The following FEZ1 variants were observed in gnomAD, a reference collection of about 807,000 sequenced individuals.
The protein encoded by FEZ1 is fasciculation and elongation protein zeta-1.
Under a neutral mutation model 49.3 loss-of-function variants are expected in FEZ1, and 20 were observed. That is an observed-to-expected ratio of 0.41 (90% CI 0.29 to 0.59). The LOEUF (loss-of-function observed/expected upper bound fraction) is 0.59. Ranked by LOEUF, FEZ1 falls within the 20% of genes least tolerant of loss-of-function variation. FEZ1 has a pLI of 0.36. For synonymous variants in FEZ1, 170 were observed against 180.9 expected (o/e 0.94, Z 0.48); for missense variants, 413 against 476.0 (o/e 0.87, Z 1.23).
Position 125,457,298 on chromosome 11 carries a change from G to T in FEZ1, c.668-1192C>A, listed in dbSNP as rs938715658. 2.7e-5 allele frequency among the ~76,000 whole-genome samples: 4 copies of T among 145,614 alleles called. No homozygotes were observed. In the South Asian group the frequency reaches 6.5e-4, roughly 24 times the overall value. ...AAAAAAATTTAGGCCAGGTGCAGTG[G>T]CTCACACCTGTAATCCCAGCACTTT... On this transcript the variant is annotated intron_variant, in intron 5 of 9. Transcript: ENST00000278919.
intron 3 of FEZ1, among the ~76,000 whole-genome samples, chr11:125,475,275 T>TAC (rs67243081): frequency 0.096 from 13,578 of 141,646 alleles, 622 homozygotes; most frequent in Admixed American, 0.11. Flanking sequence ...GTCTCAAAAA[T>TAC]ACACACACAC....
chr11:125,465,146 G>C (rs1957115342), intron 3 of FEZ1, among the ~76,000 whole-genome samples: 1 of 152,146 alleles, frequency 6.6e-6, no homozygotes, highest in African/African-American at 2.4e-5. Context: ...GCTCATCCTG[G>C]GAAACAGGGT....
intron 9 of FEZ1, 23 bp downstream of exon 9, chr11:125,448,479 A>C: frequency 1.3e-6 from 2 of 1,558,594 alleles, no homozygotes; most frequent in Non-Finnish European, 1.8e-6. Context: ...CTTCTGCTCC[A>C]GGAGGCCTGG....
At chr11:125,494,417 C>G (rs1957436975) in intron 1 of FEZ1, among the ~76,000 whole-genome samples, 1 of 152,216 alleles carries the variant, frequency 6.6e-6, no homozygotes, top group Admixed American at 6.5e-5. Context: ...TCTGAAACAA[C>G]CTTATTTTCC....
chr11:125,494,746 A>G (rs1591608113), intron 1 of FEZ1, among the ~76,000 whole-genome samples: 1 of 152,200 alleles, frequency 6.6e-6, no homozygotes, highest in East Asian at 1.9e-4. Context: ...TAGGAAACGC[A>G]TAAACGTCTC....
At chr11:125,446,659 TG>T (rs374441950) in intron 9 of FEZ1, among the ~76,000 whole-genome samples, 2 of 137,134 alleles carry the variant, frequency 1.5e-5, no homozygotes, top group Admixed American at 7.3e-5. Context: ...TTGTTGTTGT[TG>T]TTGTTTTGTT....
intron 7 of FEZ1, chr11:125,453,405 C>CTCTAGAATTCTAGAGTTCTAGAAT (rs1956976916): frequency 6.6e-6 from 1 of 152,158 alleles, no homozygotes; most frequent in Admixed American, 6.5e-5. Flanking sequence ...TCTCTAGACT[C>CTCTAGAATTCTAGAGTTCTAGAAT]TCTAGAATTC....
intron 5 of FEZ1, among the ~76,000 whole-genome samples, chr11:125,457,472 G>A (rs199952631): frequency 3.5e-5 from 3 of 85,922 alleles, no homozygotes; most frequent in Admixed American, 2.0e-4. Flanking sequence ...ACATATATAT[G>A]TATATATACA....
At chr11:125,447,658 C>A (rs577290347) in intron 9 of FEZ1, among the ~76,000 whole-genome samples, 75 of 152,064 alleles carry the variant, frequency 4.9e-4, no homozygotes, top group African/African-American at 1.7e-3. Flanking sequence ...CCCGTCTCTA[C>A]TAAAAATACA....
At chr11:125,480,184 T>C (rs1261362271) in intron 3 of FEZ1, among the ~76,000 whole-genome samples, 5 of 152,134 alleles carry the variant, frequency 3.3e-5, no homozygotes, top group Non-Finnish European at 7.4e-5. Context: ...GAAACCAGCC[T>C]TGGTAACATG....
intron 9 of FEZ1, 61 bp from the exon 10 acceptor site, chr11:125,446,172 A>C: frequency 6.6e-7 from 1 of 1,512,156 alleles, no homozygotes; most frequent in South Asian, 1.1e-5. Context: ...GGGACCTCCG[A>C]GCCCTGGATA....
chr11:125,470,976 T>G (rs1162941318), intron 3 of FEZ1, among the ~76,000 whole-genome samples: 1 of 152,186 alleles, frequency 6.6e-6, no homozygotes, highest in East Asian at 1.9e-4. Flanking sequence ...GACTTTATAC[T>G]GTGACAAATG....
chr11:125,480,993 C>A (rs1304344673), intron 3 of FEZ1, among the ~76,000 whole-genome samples: 1 of 150,640 alleles, frequency 6.6e-6, no homozygotes, highest in Non-Finnish European at 1.5e-5. Flanking sequence ...GAGCCGAGAT[C>A]GTGCCACTGC....
At chr11:125,484,973 T>A (rs1372702002) in intron 2 of FEZ1, among the ~76,000 whole-genome samples, 1 of 152,166 alleles carries the variant, frequency 6.6e-6, no homozygotes, top group African/African-American at 2.4e-5. Context: ...ATATATCCCA[T>A]CATAAGCAGG....
At position 125,489,760 on chromosome 11, in the gene FEZ1, C is replaced by T. The variant is rs1458982450; in HGVS notation, c.18G>A (p.Val6=). Residue 6 remains valine (V), a synonymous_variant, in exon 2 of 10, where the codon GTG becomes GTA. Coordinates refer to ENST00000278919, the MANE Select transcript of FEZ1 (RefSeq NM_005103.5). The surrounding 1 kb of genome is among the most constrained non-coding windows in gnomAD (Gnocchi z 4.2). MEAPL[V]SLDEEFEDLR... ...GGTCCTCAAACTCTTCATCCAGACTCACCAGTGGGGCCTCCATTCTTGCTC... is the reference window on the plus strand; with the variant it reads ...GGTCCTCAAACTCTTCATCCAGACTTACCAGTGGGGCCTCCATTCTTGCTC... 1.3e-6 allele frequency: 2 copies of T among 1,547,168 alleles called. No homozygotes were observed. The highest frequency in any genetic ancestry group is 1.4e-5 in the African/African-American group (1 of 72,610).
chr11:125,456,904 C>T (rs1014125066), intron 5 of FEZ1, among the ~76,000 whole-genome samples: 8 of 152,166 alleles, frequency 5.3e-5, no homozygotes, highest in African/African-American at 1.9e-4. Context: ...ACACTTTAGG[C>T]CAGGAGCAGT....
intron 5 of FEZ1, among the ~76,000 whole-genome samples, chr11:125,459,434 A>C (rs1957051854): frequency 6.6e-6 from 1 of 151,714 alleles, no homozygotes; most frequent in Non-Finnish European, 1.5e-5. Flanking sequence ...TCTACTAAAA[A>C]CACAAAAAGT....
intron 3 of FEZ1, among the ~76,000 whole-genome samples, chr11:125,479,135 G>A (rs1957257851): frequency 1.3e-5 from 2 of 152,160 alleles, no homozygotes; most frequent in South Asian, 4.1e-4. Flanking sequence ...TAGTCTCAAA[G>A]TCATCATCTC....
chr11:125,483,282 C>A (rs1285364811), intron 2 of FEZ1, among the ~76,000 whole-genome samples: 1 of 152,050 alleles, frequency 6.6e-6, no homozygotes, highest in Non-Finnish European at 1.5e-5. Context: ...TCTTAGTGCA[C>A]AATGCATATA....
Sources: gnomAD v4.1 joint callset for allele counts (sites outside exome capture counted in the v4.1 genomes callset) on GRCh38, gnomAD v4.1.1 for gene constraint, Gnocchi (gnomAD v3.1) non-coding constraint, MANE v1.5 for transcripts, NCBI Gene and HGNC (gene_info 2026-07-23, HGNC 2026-07-21) for gene names.